Variants in SORCS2 observed in about 807,000 individuals in gnomAD.
SORCS2 encodes the protein sortilin related VPS10 domain containing receptor 2.
In SORCS2, 100 loss-of-function variants were observed where a neutral mutation model predicts 141.6. That is an observed-to-expected ratio of 0.71 (90% CI 0.60 to 0.83). The LOEUF (loss-of-function observed/expected upper bound fraction) is 0.83, where lower values mean the gene tolerates loss of function less well. SORCS2 is among the 40% of genes least tolerant of loss of function. The pLI is 0.00. For missense variants in SORCS2, 1,646 were observed against 1,560.2 expected (o/e 1.05, Z -0.93); for synonymous variants, 789 against 676.9 (o/e 1.17, Z -2.57).
At chr4:7,638,204 G>C (rs1720395691) in intron 3 of SORCS2, 124 bp from the exon 4 acceptor site, 1 of 1,229,178 alleles carries the variant, frequency 8.1e-7, no homozygotes, top group Non-Finnish European at 1.1e-6. Context: ...CCCGGCCCAG[G>C]CCTCACAACC....
At chr4:7,601,923 C>T (rs1205852995) in intron 3 of SORCS2, among the ~76,000 whole-genome samples, 1 of 152,182 alleles carries the variant, frequency 6.6e-6, no homozygotes, top group African/African-American at 2.4e-5. Context: ...ACATCTTGCA[C>T]CGCCCTTAAT....
chr4:7,729,698 C>G lies in SORCS2; in HGVS notation c.3094C>G (p.Leu1032Val). ...TCCCAGGCCCACAAGGAAGAGGAGC[C>G]TCTCGAGTGATAAGGTATGTCCTGT... Reference protein sequence around the residue: ...PPPRPTRKRSLSSDKRLAAIQ... With the variant: ...PPPRPTRKRSVSSDKRLAAIQ... Residue 1032 changes from leucine (L) to valine (V), a missense_variant, in exon 23 of 27, where the codon CTC (leucine) becomes GTC (valine). Leu to Val is a conservative substitution (Grantham distance 32). Transcript: ENST00000507866. The G allele has an allele frequency of 6.2e-7, 1 of 1,611,090 alleles. No homozygotes were observed. The highest frequency in any genetic ancestry group is 8.5e-7 in the Non-Finnish European group (1 of 1,178,796).
intron 12 of SORCS2, among the ~76,000 whole-genome samples, chr4:7,698,618 T>C (rs373298385): frequency 6.6e-6 from 1 of 152,246 alleles, no homozygotes; most frequent in Non-Finnish European, 1.5e-5. Flanking sequence ...AAGATAGTCA[T>C]AGCAGTCGCT....
At chr4:7,592,006 C>A (rs988729047) in intron 3 of SORCS2, among the ~76,000 whole-genome samples, 6 of 152,106 alleles carry the variant, frequency 3.9e-5, no homozygotes, top group African/African-American at 1.2e-4. Flanking sequence ...AAAAAAAAAT[C>A]CCCCTTTAAA....
intron 1 of SORCS2, among the ~76,000 whole-genome samples, chr4:7,254,092 A>G (rs1246868943): frequency 6.6e-6 from 1 of 152,252 alleles, no homozygotes; most frequent in Non-Finnish European, 1.5e-5. Flanking sequence ...AAATTAGTTC[A>G]GCCACTGTGG....
chr4:7,389,840 G>C (rs975609085), intron 1 of SORCS2, among the ~76,000 whole-genome samples: 1 of 152,212 alleles, frequency 6.6e-6, no homozygotes, highest in Non-Finnish European at 1.5e-5. Flanking sequence ...GCGGTAGTGA[G>C]AGTGGAGGGA....
At chr4:7,463,852 C>G (rs933619505) in intron 2 of SORCS2, among the ~76,000 whole-genome samples, 1 of 152,176 alleles carries the variant, frequency 6.6e-6, no homozygotes, top group Non-Finnish European at 1.5e-5. Flanking sequence ...GGTTTCCCAG[C>G]TGTCACACTG....
At chr4:7,553,598 G>A (rs1431473295) in intron 3 of SORCS2, among the ~76,000 whole-genome samples, 1 of 152,222 alleles carries the variant, frequency 6.6e-6, no homozygotes, top group East Asian at 1.9e-4. Context: ...CTTGCCAACA[G>A]AGAGATGAGT....
chr4:7,502,178 A>G (rs1293019525), intron 2 of SORCS2, among the ~76,000 whole-genome samples: 1 of 152,074 alleles, frequency 6.6e-6, no homozygotes, highest in African/African-American at 2.4e-5. Context: ...TGGCCTCTAG[A>G]CGGCCTCTGG....
chr4:7,402,486 C>G (rs1724656310), intron 2 of SORCS2, among the ~76,000 whole-genome samples: 1 of 152,162 alleles, frequency 6.6e-6, no homozygotes, highest in Non-Finnish European at 1.5e-5. Context: ...ATGTGCCCAA[C>G]TTTGTTTAGG....
chr4:7,532,617 G>A (rs1331632357), intron 3 of SORCS2, among the ~76,000 whole-genome samples: 1 of 152,212 alleles, frequency 6.6e-6, no homozygotes, highest in Non-Finnish European at 1.5e-5. Context: ...CTGGTGGCAG[G>A]TTCACAGGGG....
At chr4:7,298,605 C>T (rs1327860349) in intron 1 of SORCS2, among the ~76,000 whole-genome samples, 2 of 152,202 alleles carry the variant, frequency 1.3e-5, no homozygotes, top group Non-Finnish European at 2.9e-5. Context: ...GTTTCTGCCG[C>T]TCCCACGGTG....
At chr4:7,528,643 C>G (rs1456570441) in intron 2 of SORCS2, among the ~76,000 whole-genome samples, 3 of 152,106 alleles carry the variant, frequency 2.0e-5, no homozygotes, top group African/African-American at 7.2e-5. Context: ...CCAGTCTGGT[C>G]TGAAACTCCT....
At position 7,596,040 on chromosome 4, in the gene SORCS2, A is replaced by G. The variant is rs541892465; in HGVS notation, c.649-42288A>G. Among the ~76,000 whole-genome samples the G allele has an allele frequency of 3.3e-5, 5 of 152,252 alleles. No homozygotes were observed. In the South Asian group the frequency reaches 1.0e-3, roughly 32 times the overall value. On this transcript the variant is annotated intron_variant, in intron 3 of 26. Transcript: ENST00000507866. The stretch of plus-strand genomic sequence containing the variant: ...CATTGAGACTGCATCCTCACAAACC[A>G]TGGTTCTAGCTGGCGTGAGGCAGCA...
chr4:7,714,211 A>G (rs762793666), intron 15 of SORCS2, 29 bp from the exon 16 acceptor site: 2 of 1,601,574 alleles, frequency 1.2e-6, no homozygotes, highest in South Asian at 1.1e-5. Context: ...TGTCTCAGGC[A>G]GCTCCTTACC....
At chr4:7,258,683 A>C (rs1378748509) in intron 1 of SORCS2, among the ~76,000 whole-genome samples, 1 of 152,228 alleles carries the variant, frequency 6.6e-6, no homozygotes, top group Non-Finnish European at 1.5e-5. Flanking sequence ...TGCTGGGTCA[A>C]ATGGTATTTC....
chr4:7,474,325 G>A lies in SORCS2; in HGVS notation c.549-57205G>A, dbSNP rs180970790. ...CCCCTCTGCGGTTGGCTCTGCCTGA[G>A]TGGCTCCTGTCCCCTCTCCAGCCTC... On this transcript the variant is annotated intron_variant, in intron 2 of 26. Transcript: ENST00000507866. Among the ~76,000 whole-genome samples the A allele has an allele frequency of 3.3e-5, 5 of 152,374 alleles. No homozygotes were observed. The East Asian group carries it at 9.6e-4, about 29-fold the overall frequency.
At chr4:7,727,431 C>A (rs1401686066) in intron 21 of SORCS2, among the ~76,000 whole-genome samples, 1 of 29,692 alleles carries the variant, frequency 3.4e-5, no homozygotes, top group Non-Finnish European at 6.4e-5. Flanking sequence ...AAGGAGACCC[C>A]CCCCCCCCTT....
At chr4:7,464,512 G>A (rs535895633) in intron 2 of SORCS2, among the ~76,000 whole-genome samples, 3 of 152,244 alleles carry the variant, frequency 2.0e-5, no homozygotes, top group Non-Finnish European at 2.9e-5. Context: ...ACTGAGCCCC[G>A]AGGGGAAGTG....
Sources: allele counts gnomAD v4.1 joint callset (sites outside exome capture counted in the v4.1 genomes callset), GRCh38; gene constraint gnomAD v4.1.1; transcripts MANE v1.5; gene names NCBI Gene and HGNC (gene_info 2026-07-23, HGNC 2026-07-21).